The following LRMDA variants were observed in gnomAD, a reference collection of about 807,000 sequenced individuals.
The protein encoded by LRMDA is leucine-rich melanocyte differentiation-associated protein.
A neutral mutation model predicts 29.8 loss-of-function variants in LRMDA; 18 were observed. The ratio of observed to expected loss-of-function variants is 0.60; its 90% CI spans 0.42 to 0.90. The LOEUF (loss-of-function observed/expected upper bound fraction) is 0.90, where lower values mean the gene tolerates loss of function less well. Among genes scored for constraint, LRMDA ranks in the 40% least tolerant of loss-of-function variants. LRMDA has a pLI of 0.00. For synonymous variants in LRMDA, 125 were observed against 109.4 expected, an observed-to-expected ratio of 1.14 and a Z score of -0.89; for missense variants, 273 against 273.9, an observed-to-expected ratio of 1.00 and a Z score of 0.02.
chr10:75,505,383 A>G (rs1845158556), intron 2 of LRMDA, among the ~76,000 whole-genome samples: 1 of 152,164 alleles, frequency 6.6e-6, no homozygotes. Flanking sequence ...AGTTGCTTAC[A>G]TCCCAAGGGT....
chr10:76,064,328 G>A (rs1274168122), intron 5 of LRMDA, among the ~76,000 whole-genome samples: 1 of 152,166 alleles, frequency 6.6e-6, no homozygotes, highest in Non-Finnish European at 1.5e-5. Flanking sequence ...GTGATCTGAA[G>A]CTGCGTTCTC....
rs1850494223 is a variant in LRMDA at position 76,154,027 on chromosome 10, A to G, written c.516+95244A>G. On this transcript the variant is annotated intron_variant, in intron 5 of 6. Transcript: ENST00000611255. ...AAACCTGCATGAAAAGAGATAGGCA[A>G]TATAGATATGACACATTTGCCATTC... Among the ~76,000 whole-genome samples the G allele has an allele frequency of 3.3e-5, 5 of 152,356 alleles. No homozygotes were observed. In the South Asian group the frequency reaches 1.0e-3, roughly 32 times the overall value.
At chr10:76,425,247 A>G (rs1423903155) in intron 6 of LRMDA, among the ~76,000 whole-genome samples, 2 of 152,200 alleles carry the variant, frequency 1.3e-5, no homozygotes, top group Admixed American at 6.5e-5. Flanking sequence ...TTGTGGCTTT[A>G]TTACCAATGT....
chr10:75,881,651 C>T (rs546176395), intron 2 of LRMDA, among the ~76,000 whole-genome samples: 53 of 152,312 alleles, frequency 3.5e-4, no homozygotes, highest in African/African-American at 1.1e-3. Flanking sequence ...TGATTGCAGG[C>T]CACCACTTCA....
intron 5 of LRMDA, among the ~76,000 whole-genome samples, chr10:76,238,162 G>A (rs1237364397): frequency 6.6e-6 from 1 of 152,008 alleles, no homozygotes; most frequent in African/African-American, 2.4e-5. Flanking sequence ...AATATTCAGA[G>A]AGGCCTAATA....
intron 2 of LRMDA, among the ~76,000 whole-genome samples, chr10:76,020,869 C>A (rs1304662529): frequency 6.6e-6 from 1 of 152,256 alleles, no homozygotes; most frequent in Non-Finnish European, 1.5e-5. Context: ...TTTTTCCATG[C>A]CTTCCTATGA....
intron 2 of LRMDA, chr10:75,642,963 C>T (rs2132120811): frequency 6.6e-6 from 1 of 152,244 alleles, no homozygotes; most frequent in African/African-American, 2.4e-5. Context: ...GTCTCTGGTC[C>T]ACAAGCTTGG....
intron 2 of LRMDA, among the ~76,000 whole-genome samples, chr10:75,576,633 A>T (rs1385457713): frequency 6.6e-6 from 1 of 152,206 alleles, no homozygotes; most frequent in Non-Finnish European, 1.5e-5. Context: ...TCTGTTTGGC[A>T]TCTGGCAGGT....
intron 6 of LRMDA, among the ~76,000 whole-genome samples, chr10:76,336,090 G>A (rs1251902321): frequency 8.4e-6 from 1 of 119,304 alleles, no homozygotes; most frequent in Non-Finnish European, 1.6e-5. Flanking sequence ...CTAGGGTGTG[G>A]ATTGGCAAGG....
intron 5 of LRMDA, among the ~76,000 whole-genome samples, chr10:76,111,405 A>C (rs1284412187): frequency 6.6e-6 from 1 of 152,270 alleles, no homozygotes; most frequent in East Asian, 1.9e-4. Context: ...TGGCAGAAGA[A>C]AATGAAGTCA....
intron 2 of LRMDA, among the ~76,000 whole-genome samples, chr10:75,918,184 G>A (rs1845966763): frequency 6.6e-6 from 1 of 152,192 alleles, no homozygotes; most frequent in African/African-American, 2.4e-5. Context: ...TAGAAAATCT[G>A]GGATTCAAAC....
At chr10:76,160,029 G>A (rs1244657913) in intron 5 of LRMDA, among the ~76,000 whole-genome samples, 1 of 152,112 alleles carries the variant, frequency 6.6e-6, no homozygotes, top group Non-Finnish European at 1.5e-5. Context: ...TGAGCTTTGA[G>A]TAATAACGAT....
chr10:76,342,518 A>G (rs548254272), intron 6 of LRMDA, among the ~76,000 whole-genome samples: 2 of 152,186 alleles, frequency 1.3e-5, no homozygotes, highest in East Asian at 3.9e-4. Flanking sequence ...GAAGGGAGGA[A>G]GTTTTAAAGT....
At chr10:75,609,124 G>A (rs1171714340) in intron 2 of LRMDA, among the ~76,000 whole-genome samples, 1 of 152,164 alleles carries the variant, frequency 6.6e-6, no homozygotes, top group Non-Finnish European at 1.5e-5. Flanking sequence ...GGTTGTGCTA[G>A]CATGCAGCCA....
chr10:75,824,217 A>AT (rs140216711), intron 2 of LRMDA, among the ~76,000 whole-genome samples: 1 of 152,100 alleles, frequency 6.6e-6, no homozygotes, highest in Admixed American at 6.5e-5. Flanking sequence ...TTATCAAAAT[A>AT]TTTTTTTCTA....
At chr10:76,463,931 T>TTTTTTG (rs1416130077) in intron 6 of LRMDA, among the ~76,000 whole-genome samples, 1 of 148,794 alleles carries the variant, frequency 6.7e-6, no homozygotes, top group Non-Finnish European at 1.5e-5. Context: ...TTTTTTTTTT[T>TTTTTTG]TTTGTGAGAT....
intron 5 of LRMDA, among the ~76,000 whole-genome samples, chr10:76,186,811 G>A (rs1851159044): frequency 1.3e-5 from 2 of 152,182 alleles, no homozygotes; most frequent in Non-Finnish European, 1.5e-5. Flanking sequence ...AGTTGAGGAT[G>A]CTGCCCATCT....
chr10:75,610,560 C>T (rs903566703), intron 2 of LRMDA, among the ~76,000 whole-genome samples: 10 of 152,062 alleles, frequency 6.6e-5, no homozygotes, highest in Non-Finnish European at 1.0e-4. Context: ...ATAGTCTCAT[C>T]GTGGCCAGAA....
chr10:76,323,818 C>T (rs1341842197), intron 5 of LRMDA, among the ~76,000 whole-genome samples: 3 of 152,116 alleles, frequency 2.0e-5, no homozygotes, highest in African/African-American at 7.2e-5. Flanking sequence ...TGTTGATAAC[C>T]ACTACATCCC....
Sources: gnomAD v4.1 joint callset for allele counts (sites outside exome capture counted in the v4.1 genomes callset) on GRCh38, gnomAD v4.1.1 for gene constraint, MANE v1.5 for transcripts, NCBI Gene and HGNC (gene_info 2026-07-23, HGNC 2026-07-21) for gene names.